Variants in EXOC4 observed in about 807,000 individuals in gnomAD.
EXOC4 encodes SEC8-like 1.
Under a neutral mutation model 107.2 loss-of-function variants are expected in EXOC4, and 71 were observed. The observed-to-expected ratio is 0.66, with a 90% CI of 0.55 to 0.81. EXOC4 has a LOEUF of 0.81. EXOC4 is among the 30% of genes least tolerant of loss of function. The pLI is 0.00. For synonymous variants in EXOC4, 456 were observed against 441.2 expected, an observed-to-expected ratio of 1.03 and a Z score of -0.42; for missense variants, 1,108 against 1,189.6, an observed-to-expected ratio of 0.93 and a Z score of 1.01.
At chr7:133,854,379 C>T (rs1798302912) in intron 11 of EXOC4, among the ~76,000 whole-genome samples, 1 of 149,730 alleles carries the variant, frequency 6.7e-6, no homozygotes, top group Non-Finnish European at 1.5e-5. Context: ...CTTTAGCATT[C>T]TTCTCAACTG....
intron 2 of EXOC4, among the ~76,000 whole-genome samples, chr7:133,280,295 A>T (rs1215821903): frequency 6.6e-6 from 1 of 152,214 alleles, no homozygotes; most frequent in Non-Finnish European, 1.5e-5. Context: ...ATGTTATTGC[A>T]TTGGTAAACC....
intron 10 of EXOC4, among the ~76,000 whole-genome samples, chr7:133,716,503 T>C (rs944531876): frequency 6.6e-6 from 1 of 152,246 alleles, no homozygotes; most frequent in African/African-American, 2.4e-5. Flanking sequence ...TCTTGCCTGA[T>C]AGACTTGAAA....
chr7:133,902,524 G>A (rs940999362), intron 12 of EXOC4, among the ~76,000 whole-genome samples: 24 of 152,122 alleles, frequency 1.6e-4, no homozygotes, highest in African/African-American at 5.8e-4. Context: ...ATGGGAGAGG[G>A]GAGATAGACA....
At chr7:133,836,292 T>C (rs1243637619) in intron 11 of EXOC4, among the ~76,000 whole-genome samples, 2 of 152,060 alleles carry the variant, frequency 1.3e-5, no homozygotes, top group Non-Finnish European at 1.5e-5. Flanking sequence ...CTGGAAGGTA[T>C]ACCTTGGAAA....
At chr7:133,387,040 A>G (rs978590709) in intron 7 of EXOC4, among the ~76,000 whole-genome samples, 1 of 152,294 alleles carries the variant, frequency 6.6e-6, no homozygotes, top group East Asian at 1.9e-4. Context: ...TATCTTTACT[A>G]TCTTAAAGCA....
At chr7:133,685,198 A>G (rs1794269986) in intron 10 of EXOC4, among the ~76,000 whole-genome samples, 1 of 152,150 alleles carries the variant, frequency 6.6e-6, no homozygotes, top group African/African-American at 2.4e-5. Flanking sequence ...CCCAAATCTC[A>G]TTTTGAATTG....
At chr7:133,823,491 G>C (rs573279235) in intron 11 of EXOC4, among the ~76,000 whole-genome samples, 1 of 151,948 alleles carries the variant, frequency 6.6e-6, no homozygotes, top group African/African-American at 2.4e-5. Flanking sequence ...CATCGTATCA[G>C]TTATTGCTGG....
chr7:133,305,783 T>TG, intron 3 of EXOC4, 94 bp from the exon 4 acceptor site: 14 of 1,014,994 alleles, frequency 1.4e-5, no homozygotes, highest in South Asian at 1.8e-5. Context: ...GTAAGCTCCC[T>TG]TTGTTAGTAT....
intron 10 of EXOC4, among the ~76,000 whole-genome samples, chr7:133,644,074 A>G (rs1802929779): frequency 6.6e-6 from 1 of 152,216 alleles, no homozygotes; most frequent in Non-Finnish European, 1.5e-5. Context: ...AAACTGGCTC[A>G]AGTCTGAAAA....
intron 5 of EXOC4, among the ~76,000 whole-genome samples, chr7:133,325,102 G>A (rs1422911732): frequency 2.6e-5 from 4 of 152,112 alleles, no homozygotes; most frequent in African/African-American, 9.7e-5. Context: ...GCCTATGTGT[G>A]TCTCTGCACG....
intron 7 of EXOC4, among the ~76,000 whole-genome samples, chr7:133,377,840 A>G (rs1796523091): frequency 6.6e-6 from 1 of 152,242 alleles, no homozygotes; most frequent in Non-Finnish European, 1.5e-5. Flanking sequence ...GAAACAATGC[A>G]AGCCAGAAAT....
rs141324694 is a variant in EXOC4 at position 134,059,835 on chromosome 7, A to G, written c.2688-4456A>G. On this transcript the variant is annotated intron_variant, in intron 17 of 17. Coordinates refer to ENST00000253861, the MANE Select transcript of EXOC4 (RefSeq NM_021807.4). The stretch of plus-strand genomic sequence containing the variant: ...ATGAAATTATGAGAAATCTTTCTGT[A>G]TGGCCCATATATTCTATATGGCATA... Among the ~76,000 whole-genome samples the G allele has an allele frequency of 1.1e-4, 17 of 152,320 alleles. No homozygotes were observed. In the East Asian group the frequency reaches 2.9e-3, roughly 26 times the overall value.
chr7:133,274,321 A>G (rs1005766407), intron 1 of EXOC4, among the ~76,000 whole-genome samples: 3 of 152,228 alleles, frequency 2.0e-5, no homozygotes, highest in Admixed American at 6.5e-5. Context: ...GTGTATAAGT[A>G]ATTGTATCAG....
At position 133,938,018 on chromosome 7, in the gene EXOC4, T is replaced by C. The variant is rs1218117410; in HGVS notation, c.2155T>C (p.Trp719Arg). The C allele has an allele frequency of 5.0e-6, 8 of 1,614,164 alleles. No homozygotes were observed. The highest frequency in any genetic ancestry group is 5.1e-6 in the Non-Finnish European group (6 of 1,180,036). ...ALANMHESLEWLASRTKSAFS... is the reference protein window; with the variant it reads ...ALANMHESLERLASRTKSAFS... Reference sequence around the variant, plus strand: ...GGCCAACATGCATGAAAGCCTGGAATGGTTGGCAAGTCGAACAAAGTCAGC... The same window carrying C: ...GGCCAACATGCATGAAAGCCTGGAACGGTTGGCAAGTCGAACAAAGTCAGC... Residue 719 changes from tryptophan to arginine, a missense_variant, in exon 14 of 18, where the codon TGG becomes CGG. Transcript: ENST00000253861.
chr7:133,844,378 C>CTTTTTTTTTTT lies in EXOC4; in HGVS notation c.1734+26854_1734+26864dup, dbSNP rs761535651. Among the ~76,000 whole-genome samples, 44 of 83,390 alleles carry CTTTTTTTTTTT rather than the reference C, an allele frequency of 5.3e-4. 9 individuals carry two copies. The highest frequency in any genetic ancestry group is 2.5e-3 in the African/African-American group (43 of 17,352). 54.7% of individuals were successfully genotyped at this position (83,390 alleles called of 152,430 possible). ...TAATTTCTTGGATTCCCACATATTC[C>CTTTTTTTTTTT]TTTTTTTTTTTTTTTTTTTTTTTTT... On this transcript the variant is annotated intron_variant, in intron 11 of 17. Coordinates refer to ENST00000253861, the MANE Select transcript of EXOC4 (RefSeq NM_021807.4).
At chr7:133,839,275 C>T (rs930509857) in intron 11 of EXOC4, among the ~76,000 whole-genome samples, 1 of 152,152 alleles carries the variant, frequency 6.6e-6, no homozygotes, top group African/African-American at 2.4e-5. Context: ...TGCATATGTG[C>T]ATTTCTTTTA....
chr7:133,634,146 A>T (rs970788634), intron 10 of EXOC4, among the ~76,000 whole-genome samples: 31 of 152,124 alleles, frequency 2.0e-4, no homozygotes, highest in African/African-American at 5.8e-4. Flanking sequence ...TAAAATTATT[A>T]TACCGGGTCC....
chr7:133,732,225 T>G (rs775643308), intron 10 of EXOC4, among the ~76,000 whole-genome samples: 1 of 151,992 alleles, frequency 6.6e-6, no homozygotes, highest in Non-Finnish European at 1.5e-5. Flanking sequence ...CACTTACAAG[T>G]GGGAGTTAAT....
At chr7:133,548,346 G>A (rs1800522158) in intron 9 of EXOC4, among the ~76,000 whole-genome samples, 1 of 152,118 alleles carries the variant, frequency 6.6e-6, no homozygotes, top group Non-Finnish European at 1.5e-5. Flanking sequence ...AGGATTTTTA[G>A]AATGGTAAAT....
Sources: gnomAD v4.1 joint callset for allele counts (sites outside exome capture counted in the v4.1 genomes callset) on GRCh38, gnomAD v4.1.1 for gene constraint, MANE v1.5 for transcripts, NCBI Gene and HGNC (gene_info 2026-07-23, HGNC 2026-07-21) for gene names.